ARHGEF6: variants seen among roughly 807,000 people sequenced by gnomAD.
ARHGEF6 encodes the protein Rac/Cdc42 guanine nucleotide exchange factor 6.
ARHGEF6 carries 9 observed loss-of-function variants against 70.3 expected under a neutral mutation model. The observed-to-expected ratio is 0.13, with a 90% CI of 0.08 to 0.22. The LOEUF is 0.22. ARHGEF6 is among the 10% of genes least tolerant of loss of function. The probability of loss-of-function intolerance (pLI) is 1.00; values close to 1 mark genes in which losing one functional copy is unlikely to be tolerated. For synonymous variants in ARHGEF6, 201 were observed against 207.8 expected, an observed-to-expected ratio of 0.97 and a Z score of 0.28; for missense variants, 470 against 563.0, an observed-to-expected ratio of 0.83 and a Z score of 1.67.
At chrX:136,750,663 T>C (rs2077140663) in intron 2 of ARHGEF6, among the ~76,000 whole-genome samples, 1 of 112,072 alleles carries the variant, frequency 8.9e-6, no homozygotes, top group Admixed American at 9.5e-5. Flanking sequence ...AATCAGATGA[T>C]GCAATGTTCA....
chrX:136,743,333 G>A (rs1219122689), intron 5 of ARHGEF6, among the ~76,000 whole-genome samples: 1 of 112,139 alleles, frequency 8.9e-6, no homozygotes, highest in Non-Finnish European at 1.9e-5. Context: ...TACAGTTAGG[G>A]TGGACCAGTT....
intron 5 of ARHGEF6, among the ~76,000 whole-genome samples, chrX:136,734,554 T>C (rs912830124): frequency 1.8e-5 from 2 of 111,801 alleles, no homozygotes; most frequent in Non-Finnish European, 3.8e-5. Context: ...AAGGTGTCAC[T>C]GGAGAATTCT....
Position 136,767,468 on chromosome X carries a change from A to T in ARHGEF6, c.249+11946T>A, listed in dbSNP as rs764204019. On this transcript the variant is annotated intron_variant, in intron 2 of 21. Transcript: ENST00000250617. ...CGCCCGCAACCTCTCCAGCCCAGGG[A>T]TTGTTTTTTAATCTAAAGGGAAGTC... 1.9e-4 allele frequency: 141 copies of T among 753,807 alleles called. No individual in the cohort carries two copies. The Admixed American group carries it at 2.5e-3, about 13-fold the overall frequency. The allele number at this position is 753,807 out of a possible 1,213,427, so 62.1% of individuals were successfully genotyped here. A position where few individuals can be genotyped will look rare whatever the true frequency, so the allele number is the denominator to read the frequency against.
intron 2 of ARHGEF6, among the ~76,000 whole-genome samples, chrX:136,756,431 C>A (rs1246099245): frequency 8.9e-6 from 1 of 111,767 alleles, no homozygotes; most frequent in African/African-American, 3.3e-5. Flanking sequence ...TTGCAAAGAA[C>A]TGTGGGATTT....
At chrX:136,744,770 C>T (rs1209080364) in intron 4 of ARHGEF6, among the ~76,000 whole-genome samples, 4 of 111,624 alleles carry the variant, frequency 3.6e-5, no homozygotes, top group Non-Finnish European at 7.5e-5. Flanking sequence ...TCATCATAGA[C>T]TGAAATTTAA....
At chrX:136,756,021 G>A (rs749819182) in intron 2 of ARHGEF6, among the ~76,000 whole-genome samples, 2 of 111,599 alleles carry the variant, frequency 1.8e-5, no homozygotes, top group Non-Finnish European at 3.8e-5. Context: ...GTCTAGAAGA[G>A]TGCCTGTCAC....
intron 6 of ARHGEF6, among the ~76,000 whole-genome samples, chrX:136,727,522 T>C (rs1215167414): frequency 4.7e-5 from 4 of 85,209 alleles, no homozygotes; most frequent in Admixed American, 1.3e-4. Context: ...CCTCCCTCCC[T>C]CTCTCTCTCT....
chrX:136,729,057 C>G (rs1281012012), intron 6 of ARHGEF6, among the ~76,000 whole-genome samples: 1 of 90,249 alleles, frequency 1.1e-5, no homozygotes, highest in Non-Finnish European at 2.2e-5. Context: ...TCTCTCTCCT[C>G]CCCCACCGCC....
chrX:136,766,433 A>T (rs975008423), intron 2 of ARHGEF6, among the ~76,000 whole-genome samples: 7 of 111,150 alleles, frequency 6.3e-5, no homozygotes, highest in Non-Finnish European at 1.3e-4. Flanking sequence ...CAAAATATAC[A>T]TAATTGCAGA....
intron 5 of ARHGEF6, chrX:136,737,484 G>T (rs1300256042): frequency 8.4e-6 from 6 of 717,998 alleles, no homozygotes; most frequent in Non-Finnish European, 9.9e-6. Context: ...AAAAAAAAAG[G>T]GTTTCACTAC....
At chrX:136,775,813 A>G (rs1234857513) in intron 2 of ARHGEF6, among the ~76,000 whole-genome samples, 1 of 111,741 alleles carries the variant, frequency 8.9e-6, no homozygotes, top group African/African-American at 3.3e-5. Context: ...GACTCATCCA[A>G]AAAGCTCCTA....
At chrX:136,730,537 C>T (rs748823738) in intron 6 of ARHGEF6, among the ~76,000 whole-genome samples, 98 of 111,016 alleles carry the variant, frequency 8.8e-4, no homozygotes, top group Non-Finnish European at 1.6e-3. Context: ...TCATGAGTTC[C>T]GCAAGACATT....
At chrX:136,670,750 T>C (rs1271309539) in intron 20 of ARHGEF6, among the ~76,000 whole-genome samples, 1 of 112,085 alleles carries the variant, frequency 8.9e-6, no homozygotes, top group Non-Finnish European at 1.9e-5. Context: ...GCTATGACAT[T>C]GCCCTTCCCA....
intron 19 of ARHGEF6, among the ~76,000 whole-genome samples, chrX:136,672,632 G>T (rs2076236641): frequency 8.9e-6 from 1 of 112,249 alleles, no homozygotes. Flanking sequence ...GGTAAGGTAG[G>T]TATGTCTCCT....
chrX:136,752,433 C>T (rs147923008), intron 2 of ARHGEF6, among the ~76,000 whole-genome samples: 19 of 112,109 alleles, frequency 1.7e-4, no homozygotes, highest in African/African-American at 4.5e-4. Flanking sequence ...GGGTCCAGCT[C>T]GTGATTACAG....
rs140862299 is a variant in ARHGEF6, at chrX:136,708,838, T to G, written c.828-68A>C. Reference sequence around the variant, plus strand: ...AGTTGGCTAATAGTTTGCTAATATATGGTAAATAAAAGGGAGGTAATACCT... The same window carrying G: ...AGTTGGCTAATAGTTTGCTAATATAGGGTAAATAAAAGGGAGGTAATACCT... On this transcript the variant is annotated intron_variant, in intron 7 of 21. Coordinates refer to ENST00000250617, the MANE Select transcript of ARHGEF6 (RefSeq NM_004840.3). The G allele has an allele frequency of 9.7e-4, 817 of 842,775 alleles. 10 individuals are homozygous for G. The African/African-American group carries it at 0.015, about 15-fold the overall frequency. 69.5% of individuals were successfully genotyped at this position (842,775 alleles called of 1,213,427 possible).
chrX:136,734,104 C>T (rs149400250), intron 5 of ARHGEF6, among the ~76,000 whole-genome samples: 7 of 112,024 alleles, frequency 6.2e-5, no homozygotes, highest in African/African-American at 3.2e-5. Flanking sequence ...ACTGTTCTTG[C>T]GACAGTGAGT....
chrX:136,700,882 T>G (rs2076564220), intron 9 of ARHGEF6, among the ~76,000 whole-genome samples: 1 of 112,059 alleles, frequency 8.9e-6, no homozygotes, highest in African/African-American at 3.2e-5. Flanking sequence ...CAGATAAAGA[T>G]AGACAACATG....
chrX:136,672,267 T>A (rs753477463), intron 19 of ARHGEF6, 148 bp from the exon 20 acceptor site: 1 of 498,828 alleles, frequency 2.0e-6, no homozygotes, highest in Admixed American at 3.1e-5. Context: ...CAGTCACCCA[T>A]CATTTGCTGA....
Sources: gnomAD v4.1 joint callset for allele counts (sites outside exome capture counted in the v4.1 genomes callset) on GRCh38, gnomAD v4.1.1 for gene constraint, MANE v1.5 for transcripts, NCBI Gene and HGNC (gene_info 2026-07-23, HGNC 2026-07-21) for gene names.